Variants in MTMR10 observed in about 807,000 individuals in gnomAD.
MTMR10 encodes myotubularin-related protein 10.
MTMR10 carries 56 observed loss-of-function variants against 88.1 expected under a neutral mutation model. The ratio of observed to expected loss-of-function variants is 0.64; its 90% CI spans 0.51 to 0.79. The LOEUF (loss-of-function observed/expected upper bound fraction) is 0.79. Among genes scored for constraint, MTMR10 ranks in the 30% least tolerant of loss-of-function variants. MTMR10 has a pLI of 0.00. For synonymous variants in MTMR10, 380 were observed against 340.9 expected, an observed-to-expected ratio of 1.11 and a Z score of -1.26; for missense variants, 883 against 924.7, an observed-to-expected ratio of 0.95 and a Z score of 0.58.
intron 9 of MTMR10, among the ~76,000 whole-genome samples, chr15:30,955,646 A>AGG (rs201943698): frequency 2.6e-5 from 4 of 151,478 alleles, no homozygotes; most frequent in African/African-American, 9.7e-5. Flanking sequence ...AACACTGCCA[A>AGG]GGGGGGGGCG....
chr15:30,978,536 G>A (rs2030325745), intron 2 of MTMR10, among the ~76,000 whole-genome samples: 1 of 152,218 alleles, frequency 6.6e-6, no homozygotes, highest in African/African-American at 2.4e-5. Flanking sequence ...TAAATGATAT[G>A]TAAGTTAGAG....
Position 30,939,165 on chromosome 15 carries a change from A to C in MTMR10, c.*2305T>G. 1.0e-6 allele frequency: 1 copy of C among 985,404 alleles called. No homozygotes were observed. Among genetic ancestry groups the C allele is most frequent in the Non-Finnish European group, 1.2e-6 (1 of 829,850 alleles). The allele number at this position is 985,404 out of a possible 1,614,324, so 61.0% of individuals were successfully genotyped here. A position where few individuals can be genotyped will look rare whatever the true frequency, so the allele number is the denominator to read the frequency against. On this transcript the variant is annotated 3_prime_UTR_variant, in exon 16 of 16. Transcript: ENST00000435680. ...ATGTGAACAGCTTTCACCCTCTGTT[A>C]GTACAAATTAATATCCTTTCCTTAA...
chr15:30,959,750 T>C (rs1447641174), intron 7 of MTMR10, among the ~76,000 whole-genome samples: 1 of 152,258 alleles, frequency 6.6e-6, no homozygotes, highest in South Asian at 2.1e-4. Context: ...AGCACCTTTC[T>C]AGAACTGTAC....
At chr15:30,923,286 G>A in the MTMR10 span, among the ~76,000 whole-genome samples, 1 of 152,186 alleles carries the variant, frequency 6.6e-6, no homozygotes, top group Non-Finnish European at 1.5e-5. Flanking sequence ...GGTGTTTACT[G>A]AGGCTGAAAT....
At chr15:30,929,946 TATA>T in the MTMR10 span, among the ~76,000 whole-genome samples, 10 of 120,456 alleles carry the variant, frequency 8.3e-5, no homozygotes, top group East Asian at 2.1e-4. Flanking sequence ...AAATATATAA[TATA>T]ATATATATCA....
the MTMR10 span, among the ~76,000 whole-genome samples, chr15:30,929,739 T>TCATATAA: frequency 1.8e-4 from 6 of 32,908 alleles, no homozygotes; most frequent in African/African-American, 9.0e-4. Context: ...ATATAATATA[T>TCATATAA]TATATCATAT....
At chr15:30,933,225 A>G in the MTMR10 span, among the ~76,000 whole-genome samples, 10 of 151,918 alleles carry the variant, frequency 6.6e-5, no homozygotes, top group Non-Finnish European at 1.5e-4. Context: ...AGCTATGGTG[A>G]TTGCTTTGAG....
downstream of MTMR10, among the ~76,000 whole-genome samples, chr15:30,936,050 A>C (rs1340903190): frequency 6.6e-6 from 1 of 151,932 alleles, no homozygotes; most frequent in African/African-American, 2.4e-5. Flanking sequence ...GGGGACTCTA[A>C]TTAAATGTCC....
At chr15:30,989,769 T>A (rs1226006899) in intron 2 of MTMR10, among the ~76,000 whole-genome samples, 1 of 151,760 alleles carries the variant, frequency 6.6e-6, no homozygotes, top group Non-Finnish European at 1.5e-5. Context: ...GTATTTTTAG[T>A]AGAGATGGGG....
At position 30,941,195 on chromosome 15, in the gene MTMR10, T is replaced by C. The variant is rs1595900874; in HGVS notation, c.*275A>G. 2.2e-6 allele frequency: 3 copies of C among 1,354,188 alleles called. No individual in the cohort carries two copies. Among genetic ancestry groups the C allele is most frequent in the East Asian group, 4.3e-5 (1 of 23,484 alleles). 83.9% of individuals were successfully genotyped at this position (1,354,188 alleles called of 1,614,324 possible). ...TTCAGGAGGTGGTAGGAAAAATGGA[T>C]GGAGACAAAAATGTAGCAGACAACA... On this transcript the variant is annotated 3_prime_UTR_variant, in exon 16 of 16. Transcript: ENST00000435680.
chr15:30,979,702 T>C (rs2030425490), intron 2 of MTMR10, among the ~76,000 whole-genome samples: 1 of 152,288 alleles, frequency 6.6e-6, no homozygotes, highest in African/African-American at 2.4e-5. Flanking sequence ...CAAACTGTAT[T>C]TAGGAGTCAA....
At chr15:30,946,648 T>C in intron 14 of MTMR10, 1 of 685,194 alleles carries the variant, frequency 1.5e-6, no homozygotes, top group South Asian at 1.5e-5. Context: ...GGCACTTTGG[T>C]TCAGAATGGT....
intron 14 of MTMR10, chr15:30,944,107 G>C: frequency 4.0e-6 from 3 of 752,182 alleles, no homozygotes; most frequent in Non-Finnish European, 4.9e-6. Flanking sequence ...GCAGTCAGGA[G>C]GCCATGACTA....
At chr15:30,932,287 A>G in the MTMR10 span, among the ~76,000 whole-genome samples, 2 of 152,000 alleles carry the variant, frequency 1.3e-5, no homozygotes, top group Non-Finnish European at 2.9e-5. Context: ...CTGTAGACCA[A>G]TCTGAGAGGA....
In MTMR10 at chr15:30,939,763, C is replaced by T. The variant is rs1193462729; in HGVS notation, c.*1707G>A. ...TGAAAAAGGGAGAATTGTGATTACA[C>T]TGTCAATGGCAGGATACGCTGTGGT... On this transcript the variant is annotated 3_prime_UTR_variant, in exon 16 of 16. Transcript: ENST00000435680. 1 of 985,092 alleles carries T rather than the reference C, an allele frequency of 1.0e-6. No homozygotes were observed. The highest frequency in any genetic ancestry group is 1.7e-5 in the African/African-American group (1 of 57,230). The allele number at this position is 985,092 out of a possible 1,614,324, so 61.0% of individuals were successfully genotyped here.
the MTMR10 span, chr15:30,927,314 G>T: frequency 2.0e-6 from 2 of 985,512 alleles, no homozygotes; most frequent in South Asian, 9.4e-5. Context: ...TCAGGTCCTA[G>T]CTCCACTCCT....
chr15:30,939,007 A>G lies in MTMR10; in HGVS notation c.*2463T>C. ...TCACATTCAATACTGTTGAACAACA[A>G]GATAACACATCTTCTTGCTCATCCC... On this transcript the variant is annotated 3_prime_UTR_variant, in exon 16 of 16. Transcript: ENST00000435680. 1.0e-6 allele frequency: 1 copy of G among 985,350 alleles called. No individual in the cohort carries two copies. The highest frequency in any genetic ancestry group is 1.2e-6 in the Non-Finnish European group (1 of 829,822). The allele number at this position is 985,350 out of a possible 1,614,324, so 61.0% of individuals were successfully genotyped here. A position where few individuals can be genotyped will look rare whatever the true frequency, so the allele number is the denominator to read the frequency against.
In MTMR10 at chr15:30,943,035, T is replaced by C; in HGVS notation, c.1586A>G (p.Glu529Gly). The C allele has an allele frequency of 6.5e-7, 1 of 1,547,350 alleles. No individual in the cohort carries two copies. The highest frequency in any genetic ancestry group is 8.7e-7 in the Non-Finnish European group (1 of 1,145,970). ...AISKNIQLGDEKGLKFPSVWD... is the reference protein window; with the variant it reads ...AISKNIQLGDGKGLKFPSVWD... ...AACAGAGGGGAATTTTAAGCCCTTC[T>C]CATCACCCAATTGGATGTTTTTGCT... The change falls in exon 15 of 16, where the codon GAG becomes GGG. Residue 529 changes from glutamate (E) to glycine (G), a missense_variant. Around this residue, in one of 3 missense-constraint regions of MTMR10, gnomAD observed 343 missense variants for 323.2 expected, o/e 1.06. Coordinates refer to ENST00000435680, the MANE Select transcript of MTMR10 (RefSeq NM_017762.3).
chr15:30,925,209 G>A, the MTMR10 span: 156 of 1,614,036 alleles, frequency 9.7e-5, 1 homozygote, highest in East Asian at 2.2e-5. Flanking sequence ...CGAGCCGTGC[G>A]CCTGCGAGAG....
Sources: gnomAD v4.1 joint callset for allele counts (sites outside exome capture counted in the v4.1 genomes callset) on GRCh38, gnomAD v4.1.1 for gene constraint, gnomAD v4.1.1 regional missense constraint, MANE v1.5 for transcripts, NCBI Gene and HGNC (gene_info 2026-07-23, HGNC 2026-07-21) for gene names.